Variants in APOL4 observed in about 807,000 individuals in gnomAD.
APOL4 encodes apolipoprotein L4.
A neutral mutation model predicts 12.1 loss-of-function variants in APOL4; 14 were observed. The ratio of observed to expected loss-of-function variants is 1.16; its 90% CI spans 0.76 to 1.81. APOL4 has a LOEUF of 1.81. Among genes scored for constraint, APOL4 ranks in the 40% most tolerant of loss-of-function variants. The pLI, the probability that APOL4 is intolerant of heterozygous loss-of-function variation, is 0.00. For missense variants in APOL4, 432 were observed against 423.1 expected, an observed-to-expected ratio of 1.02 and a Z score of -0.18; for synonymous variants, 171 against 160.6, an observed-to-expected ratio of 1.06 and a Z score of -0.49.
chr22:36,199,639 G>A, intron 1 of APOL4: 1 of 1,551,730 alleles, frequency 6.4e-7, no homozygotes, highest in South Asian at 1.2e-5. Flanking sequence ...GATAATCAGA[G>A]GAGGGGCAGC....
At chr22:36,192,003 C>T in intron 3 of APOL4, 91 bp from the exon 4 acceptor site, 1 of 1,174,204 alleles carries the variant, frequency 8.5e-7, no homozygotes, top group Non-Finnish European at 1.2e-6. Flanking sequence ...AATCACAGAG[C>T]TGTTTCTATA....
chr22:36,197,595 C>G (rs9610441), intron 2 of APOL4: 1 of 1,475,732 alleles, frequency 6.8e-7, no homozygotes, highest in East Asian at 2.5e-5. Context: ...CCCCATGAAA[C>G]TGCAAGCTAT....
chr22:36,197,574 C>T (rs2014447102), intron 2 of APOL4: 1 of 1,425,732 alleles, frequency 7.0e-7, no homozygotes, highest in Non-Finnish European at 9.2e-7. Flanking sequence ...ACCTTCAGAA[C>T]AGCTGTAACC....
Position 36,199,377 on chromosome 22 carries a change from C to T in APOL4, c.36-1G>A. On this transcript the variant is annotated splice_acceptor_variant, in intron 1 of 3. Transcript: ENST00000683024. LOFTEE classifies it high-confidence loss of function. ...CCAGCCTGGATGGTTTTGCTGCACC[C>T]TTGAGGAAGAGAAAACAAATTGTGG... The T allele has an allele frequency of 1.9e-6, 3 of 1,614,036 alleles. No individual in the cohort carries two copies. The highest frequency in any genetic ancestry group is 3.3e-5 in the Admixed American group (2 of 60,030).
upstream of APOL4, among the ~76,000 whole-genome samples, chr22:36,203,271 C>T (rs2014636565): frequency 6.6e-6 from 1 of 152,158 alleles, no homozygotes; most frequent in Non-Finnish European, 1.5e-5. Context: ...GGGGTCACCG[C>T]CTTCTGGTCA....
intron 3 of APOL4, among the ~76,000 whole-genome samples, chr22:36,192,806 C>T (rs1841785947): frequency 6.6e-6 from 1 of 152,160 alleles, no homozygotes; most frequent in Admixed American, 6.5e-5. Flanking sequence ...TCCAGAGGAA[C>T]TGAGGACTAA....
At chr22:36,197,556 C>G in intron 2 of APOL4, 1 of 1,398,734 alleles carries the variant, frequency 7.1e-7, no homozygotes, top group Non-Finnish European at 9.3e-7. Flanking sequence ...GCAAACAAAA[C>G]CAACCAGACC....
chr22:36,197,593 A>G, intron 2 of APOL4: 5 of 1,481,526 alleles, frequency 3.4e-6, no homozygotes, highest in Non-Finnish European at 4.5e-6. Context: ...CCCCCCATGA[A>G]ACTGCAAGCT....
At chr22:36,192,157 G>A (rs1207755402) in intron 3 of APOL4, among the ~76,000 whole-genome samples, 5 of 152,092 alleles carry the variant, frequency 3.3e-5, no homozygotes, top group African/African-American at 9.7e-5. Context: ...TAGCTAACAC[G>A]GTGAAACCCC....
intron 1 of APOL4, 94 bp from the exon 2 acceptor site, chr22:36,199,470 G>A: frequency 1.2e-6 from 2 of 1,613,154 alleles, no homozygotes; most frequent in Non-Finnish European, 1.7e-6. Context: ...ATCCCTCTGA[G>A]GTGGCAGCAA....
In APOL4 at chr22:36,201,728, A is replaced by T. The variant is rs1269578383; in HGVS notation, c.7T>A (p.Ser3Thr). 1.2e-6 allele frequency: 2 copies of T among 1,608,120 alleles called. No individual in the cohort carries two copies. The highest frequency in any genetic ancestry group is 8.5e-7 in the Non-Finnish European group (1 of 1,177,526). ...ACGCTTGTGATGAGCTGCACCCAGG[A>T]TCCCATCCTCCTTGGTCATTGTTGG... The part of the protein sequence containing the change: MG[S>T]WVQLITSVGV... The change falls in exon 1 of 4, where the codon TCC becomes ACC. Residue 3 changes from serine (S) to threonine (T), a missense_variant. By Grantham distance (58) the Ser-to-Thr change is moderately conservative (BLOSUM62 1). Coordinates refer to ENST00000683024, the MANE Select transcript of APOL4 (RefSeq NM_001386885.1).
chr22:36,203,406 A>T (rs751699758), upstream of APOL4, among the ~76,000 whole-genome samples: 1 of 152,254 alleles, frequency 6.6e-6, no homozygotes, highest in Non-Finnish European at 1.5e-5. Flanking sequence ...TAATTCTTTA[A>T]CATAACATTC....
intron 1 of APOL4, 76 bp downstream of exon 1, chr22:36,201,624 C>T: frequency 2.2e-6 from 2 of 920,852 alleles, no homozygotes; most frequent in Middle Eastern, 2.8e-4. Context: ...ATCTCAACAC[C>T]ATGAGCCAGT....
intron 3 of APOL4, among the ~76,000 whole-genome samples, chr22:36,194,491 G>A (rs1263726775): frequency 1.3e-5 from 2 of 152,012 alleles, no homozygotes; most frequent in South Asian, 2.1e-4. Flanking sequence ...CTGACCCCTG[G>A]CTCTGCCCCT....
chr22:36,191,277 A>G lies in APOL4; in HGVS notation c.845T>C (p.Val282Ala), dbSNP rs1319312485. 2 of 1,612,794 alleles carry G rather than the reference A, an allele frequency of 1.2e-6. No individual in the cohort carries two copies. The highest frequency in any genetic ancestry group is 1.7e-5 in the Admixed American group (1 of 60,022). The change falls in exon 4 of 4, where the codon GTG becomes GCG. Residue 282 changes from valine to alanine, a missense_variant. Val to Ala is a moderately conservative substitution (Grantham distance 64). Coordinates refer to ENST00000683024, the MANE Select transcript of APOL4 (RefSeq NM_001386885.1). ...LRTRGAPTRI[V>A]RKVARNLGKA... Reference sequence around the variant, plus strand: ...GCCCAGGTTCCGGGCTACTTTTCTCACTATCCGGGTGGGGGCCCCACGTGT... The same window carrying G: ...GCCCAGGTTCCGGGCTACTTTTCTCGCTATCCGGGTGGGGGCCCCACGTGT...
At position 36,195,043 on chromosome 22, in the gene APOL4, A is replaced by G. The variant is rs192333156; in HGVS notation, c.209+268T>C. 3.6e-3 allele frequency: 1,240 copies of G among 341,530 alleles called. 5 individuals are homozygous for G. The highest frequency in any genetic ancestry group is 0.019 in the Middle Eastern group (22 of 1,166). 21.2% of individuals were successfully genotyped at this position (341,530 alleles called of 1,614,324 possible). A position where few individuals can be genotyped will look rare whatever the true frequency, so the allele number is the denominator to read the frequency against. On this transcript the variant is annotated intron_variant, in intron 3 of 3. Coordinates refer to ENST00000683024, the MANE Select transcript of APOL4 (RefSeq NM_001386885.1). ...AATGGATGAAGAAAGGAAAGCAGAAAGTAGTCAAGTAGCTTGCAAAGCTCC... is the reference window on the plus strand; with the variant it reads ...AATGGATGAAGAAAGGAAAGCAGAAGGTAGTCAAGTAGCTTGCAAAGCTCC...
chr22:36,203,724 G>A (rs2014650408), upstream of APOL4, among the ~76,000 whole-genome samples: 1 of 152,130 alleles, frequency 6.6e-6, no homozygotes, highest in African/African-American at 2.4e-5. Context: ...TATAGCCCTA[G>A]CTTGTCCATA....
intron 3 of APOL4, chr22:36,195,033 G>A: frequency 3.2e-6 from 1 of 317,138 alleles, no homozygotes; most frequent in Non-Finnish European, 5.8e-6. Context: ...ATGAAGAAAG[G>A]AAAGCAGAAA....
At chr22:36,191,988 G>A (rs761545107) in intron 3 of APOL4, 76 bp from the exon 4 acceptor site, 45 of 1,238,294 alleles carry the variant, frequency 3.6e-5, no homozygotes, top group Non-Finnish European at 4.8e-5. Flanking sequence ...GATCTATTCT[G>A]CATAAATCAC....
Sources: allele counts gnomAD v4.1 joint callset (sites outside exome capture counted in the v4.1 genomes callset), GRCh38; gene constraint gnomAD v4.1.1; transcripts MANE v1.5; gene names NCBI Gene and HGNC (gene_info 2026-07-23, HGNC 2026-07-21).